Variants in GYS2 observed in about 807,000 individuals in gnomAD.
GYS2 encodes the protein glycogen synthase 2, also known as glycogen [starch] synthase, liver.
A neutral mutation model predicts 85.6 loss-of-function variants in GYS2; 80 were observed. That is an observed-to-expected ratio of 0.93 (90% CI 0.78 to 1.13). The LOEUF (loss-of-function observed/expected upper bound fraction) is 1.13, where lower values mean the gene tolerates loss of function less well. Among genes scored for constraint, GYS2 ranks in the 50% most tolerant of loss-of-function variants. The probability of loss-of-function intolerance (pLI) is 0.00; values close to 1 mark genes in which losing one functional copy is unlikely to be tolerated. For synonymous variants in GYS2, 328 were observed against 300.7 expected, an observed-to-expected ratio of 1.09 and a Z score of -0.94; for missense variants, 881 against 854.9, an observed-to-expected ratio of 1.03 and a Z score of -0.38.
At chr12:21,596,031 A>G (rs1944692104) in intron 1 of GYS2, among the ~76,000 whole-genome samples, 1 of 152,176 alleles carries the variant, frequency 6.6e-6, no homozygotes, top group Non-Finnish European at 1.5e-5. Flanking sequence ...TCCAAGGTAG[A>G]CCATATGATA....
rs1004140191 is a variant in GYS2, at chr12:21,585,568, AAAAAAAAAAAG to A, written c.122-5056_122-5046del. ...TTGGGTCACTCCACCAGGAAAAAAAAAAAAAAAAAAGACAAGACCTGCTGAGGTGCTTGCTG... is the reference window on the plus strand; with the variant it reads ...TTGGGTCACTCCACCAGGAAAAAAAAACAAGACCTGCTGAGGTGCTTGCTG... On this transcript the variant is annotated intron_variant, in intron 1 of 15. Transcript: ENST00000261195. Among the ~76,000 whole-genome samples the A allele has an allele frequency of 1.5e-4, 23 of 151,936 alleles. No homozygotes were observed. The East Asian group carries it at 4.4e-3, about 29-fold the overall frequency.
At chr12:21,564,632 T>G in intron 5 of GYS2, among the ~76,000 whole-genome samples, 1 of 152,178 alleles carries the variant, frequency 6.6e-6, no homozygotes, top group East Asian at 1.9e-4. Flanking sequence ...GTAGCCAAGG[T>G]TTCCAGTGAA....
At chr12:21,535,614 G>A (rs1160671925), downstream of GYS2, among the ~76,000 whole-genome samples, 1 of 152,122 alleles carries the variant, frequency 6.6e-6, no homozygotes, top group Non-Finnish European at 1.5e-5. Flanking sequence ...TCTAGCTACT[G>A]CAGCAATAGG....
intron 12 of GYS2, among the ~76,000 whole-genome samples, chr12:21,543,543 T>C (rs1944003525): frequency 6.6e-6 from 1 of 152,130 alleles, no homozygotes; most frequent in Non-Finnish European, 1.5e-5. Context: ...CTCCACCTTC[T>C]ATGGGAGTTG....
intron 12 of GYS2, 151 bp downstream of exon 12, chr12:21,546,193 T>A (rs1944037279): frequency 1.9e-6 from 1 of 539,110 alleles, no homozygotes; most frequent in South Asian, 2.6e-5. Context: ...CATAAATTAA[T>A]CCCTGTGATA....
chr12:21,566,556 G>A (rs1396089818), intron 5 of GYS2, among the ~76,000 whole-genome samples: 1 of 152,050 alleles, frequency 6.6e-6, no homozygotes, highest in East Asian at 1.9e-4. Context: ...TAGCTTGTGG[G>A]CACTCAGTAA....
In GYS2 at chr12:21,575,796, T is replaced by C. The variant is rs1944438124; in HGVS notation, c.495+70A>G. 6.0e-6 allele frequency: 7 copies of C among 1,167,520 alleles called. 1 individual carries two copies. The South Asian group carries it at 6.1e-5, about 10-fold the overall frequency. 72.3% of individuals were successfully genotyped at this position (1,167,520 alleles called of 1,614,324 possible). On this transcript the variant is annotated intron_variant, in intron 3 of 15. Coordinates refer to ENST00000261195, the MANE Select transcript of GYS2 (RefSeq NM_021957.4). Reference sequence around the variant, plus strand: ...CAAAATCTGCCTCATTTAAAGATCATGGGATCATTCTTGGGCACTGAAAGC... The same window carrying C: ...CAAAATCTGCCTCATTTAAAGATCACGGGATCATTCTTGGGCACTGAAAGC...
intron 15 of GYS2, among the ~76,000 whole-genome samples, chr12:21,538,235 AC>A (rs374608020): frequency 3.3e-5 from 5 of 152,174 alleles, no homozygotes; most frequent in African/African-American, 1.2e-4. Context: ...GTTTAAGAAA[AC>A]CTTATCACCT....
rs138746421 is a variant in GYS2, at chr12:21,588,332, G to C, written c.122-7809C>G. Among the ~76,000 whole-genome samples, 10 of 152,188 alleles carry C rather than the reference G, an allele frequency of 6.6e-5. No individual in the cohort carries two copies. The East Asian group carries it at 1.7e-3, about 26-fold the overall frequency. The stretch of plus-strand genomic sequence containing the variant: ...ATCTTATCAATAGTCACAATCAATG[G>C]TCACAAAGTAGAACTTCATCTGGAG... On this transcript the variant is annotated intron_variant, in intron 1 of 15. Coordinates refer to ENST00000261195, the MANE Select transcript of GYS2 (RefSeq NM_021957.4).
intron 15 of GYS2, among the ~76,000 whole-genome samples, chr12:21,537,997 C>T (rs887652591): frequency 6.6e-6 from 1 of 152,156 alleles, no homozygotes; most frequent in African/African-American, 2.4e-5. Flanking sequence ...AGATACTTTA[C>T]CTGTCAGCAA....
downstream of GYS2, chr12:21,532,884 C>T (rs1296233528): frequency 2.6e-5 from 4 of 152,196 alleles, no homozygotes; most frequent in African/African-American, 9.6e-5. Context: ...ATTCTAAGTA[C>T]TCAAATTCCT....
At chr12:21,533,693 A>G (rs1280379875), downstream of GYS2, among the ~76,000 whole-genome samples, 1 of 152,186 alleles carries the variant, frequency 6.6e-6, no homozygotes, top group Non-Finnish European at 1.5e-5. Context: ...TGTAACATTT[A>G]TGTTCTCATC....
intron 5 of GYS2, among the ~76,000 whole-genome samples, chr12:21,568,047 G>A (rs960471428): frequency 6.6e-6 from 1 of 151,882 alleles, no homozygotes; most frequent in Non-Finnish European, 1.5e-5. Flanking sequence ...ACTCCAGCCT[G>A]GGCAATGGAG....
intron 1 of GYS2, among the ~76,000 whole-genome samples, chr12:21,600,762 A>G (rs1312526664): frequency 2.6e-5 from 4 of 152,124 alleles, no homozygotes; most frequent in Non-Finnish European, 4.4e-5. Flanking sequence ...GAGTTCACTT[A>G]TATCAAAGTC....
At chr12:21,554,175 G>A (rs972420653) in intron 11 of GYS2, among the ~76,000 whole-genome samples, 7 of 117,554 alleles carry the variant, frequency 6.0e-5, no homozygotes, top group African/African-American at 2.1e-4. Flanking sequence ...AGGAAGGAGG[G>A]AAGGAAAAAA....
intron 4 of GYS2, among the ~76,000 whole-genome samples, chr12:21,570,501 T>C (rs1328556460): frequency 6.6e-6 from 1 of 152,234 alleles, no homozygotes; most frequent in Non-Finnish European, 1.5e-5. Flanking sequence ...TGTAAGACTT[T>C]CAAGTGCAAA....
rs1278013774 is a variant in GYS2, at chr12:21,574,201, T to C, written c.621A>G (p.Thr207=). The C allele has an allele frequency of 6.2e-7, 1 of 1,613,050 alleles. No individual in the cohort carries two copies. Among genetic ancestry groups the C allele is most frequent in the Admixed American group, 1.7e-5 (1 of 60,024 alleles). Reference sequence around the variant, plus strand: ...CTGCACAGAGATACCTCCCAAGTAGTGTAGCGTGGGTTGTAAATATTGTGG... The same window carrying C: ...CTGCACAGAGATACCTCCCAAGTAGCGTAGCGTGGGTTGTAAATATTGTGG... The part of the protein sequence containing the change: ...PIATIFTTHA[T]LLGRYLCAAN... The change falls in exon 4 of 16, where the codon ACA becomes ACG. Residue 207 remains threonine (T), a synonymous_variant. Coordinates refer to ENST00000261195, the MANE Select transcript of GYS2 (RefSeq NM_021957.4).
At chr12:21,567,454 T>C (rs1218769449) in intron 5 of GYS2, among the ~76,000 whole-genome samples, 3 of 150,958 alleles carry the variant, frequency 2.0e-5, no homozygotes, top group African/African-American at 7.3e-5. Flanking sequence ...TTCAAGAGAA[T>C]CCTTGGAAAG....
intron 1 of GYS2, among the ~76,000 whole-genome samples, chr12:21,598,882 G>A (rs1021243721): frequency 4.6e-5 from 7 of 152,040 alleles, no homozygotes; most frequent in Admixed American, 1.3e-4. Context: ...TATGTTTAGC[G>A]TGAGGACAAA....
Sources: gnomAD v4.1 joint callset for allele counts (sites outside exome capture counted in the v4.1 genomes callset) on GRCh38, gnomAD v4.1.1 for gene constraint, MANE v1.5 for transcripts, NCBI Gene and HGNC (gene_info 2026-07-23, HGNC 2026-07-21) for gene names.